The following FBXL17 variants were observed in gnomAD, a reference collection of about 807,000 sequenced individuals.
The protein encoded by FBXL17 is F-box/LRR-repeat protein 17.
In FBXL17, 22 loss-of-function variants were observed where a neutral mutation model predicts 66.2. The ratio of observed to expected loss-of-function variants is 0.33; its 90% CI spans 0.24 to 0.47. The LOEUF (loss-of-function observed/expected upper bound fraction) is 0.47, where lower values mean the gene tolerates loss of function less well. Ranked by LOEUF, FBXL17 falls within the 20% of genes least tolerant of loss-of-function variation. The pLI, the probability that FBXL17 is intolerant of heterozygous loss-of-function variation, is 1.00. For synonymous variants in FBXL17, 474 were observed against 400.5 expected (o/e 1.18, Z -2.19); for missense variants, 878 against 948.2 (o/e 0.93, Z 0.97).
chr5:107,924,074 T>G lies in FBXL17; in HGVS notation c.1823-42895A>C, dbSNP rs1413519662. Among the ~76,000 whole-genome samples, 15 of 150,926 alleles carry G rather than the reference T, an allele frequency of 9.9e-5. No individual in the cohort carries two copies. In the East Asian group the frequency reaches 1.6e-3, roughly 16 times the overall value. On this transcript the variant is annotated intron_variant, in intron 7 of 8. Transcript: ENST00000542267. ...ATGAGCTTAGTGTTTTTTTTTTTTT[T>G]TTTTTTTTTTAAGATATGGGGTCTT...
chr5:108,341,141 T>C (rs969541560), intron 4 of FBXL17, among the ~76,000 whole-genome samples: 1 of 152,122 alleles, frequency 6.6e-6, no homozygotes, highest in Non-Finnish European at 1.5e-5. Context: ...CAGAGATTTA[T>C]ACATATAATA....
At chr5:108,026,044 A>T (rs1415635881) in intron 6 of FBXL17, among the ~76,000 whole-genome samples, 2 of 152,218 alleles carry the variant, frequency 1.3e-5, no homozygotes, top group African/African-American at 4.8e-5. Context: ...GAAAATGCAC[A>T]ATATAAAAGA....
chr5:108,117,644 T>C (rs919609329), intron 6 of FBXL17, among the ~76,000 whole-genome samples: 2 of 151,990 alleles, frequency 1.3e-5, no homozygotes, highest in East Asian at 1.9e-4. Context: ...AAAAGATGAG[T>C]ATTTTTCAAA....
At chr5:107,924,060 GTTTT>G (rs34494908) in intron 7 of FBXL17, among the ~76,000 whole-genome samples, 56 of 107,552 alleles carry the variant, frequency 5.2e-4, no homozygotes, top group Middle Eastern at 4.5e-3. Context: ...TGAGCTTAGT[GTTTT>G]TTTTTTTTTT....
intron 4 of FBXL17, among the ~76,000 whole-genome samples, chr5:108,252,919 A>G (rs911725000): frequency 3.9e-5 from 6 of 152,180 alleles, no homozygotes; most frequent in African/African-American, 1.4e-4. Context: ...AGTTACACCT[A>G]TACTCTTAGA....
intron 6 of FBXL17, among the ~76,000 whole-genome samples, chr5:108,183,461 T>TG (rs1193054089): frequency 6.6e-6 from 1 of 152,244 alleles, no homozygotes; most frequent in African/African-American, 2.4e-5. Flanking sequence ...TGAATAGCTT[T>TG]TTAAAGATTA....
At chr5:108,216,590 T>C (rs1754608264) in intron 5 of FBXL17, among the ~76,000 whole-genome samples, 2 of 152,168 alleles carry the variant, frequency 1.3e-5, no homozygotes, top group African/African-American at 2.4e-5. Flanking sequence ...TGTTTTGATA[T>C]AAGTATACAT....
At chr5:108,028,549 C>T (rs1055136818) in intron 6 of FBXL17, among the ~76,000 whole-genome samples, 1 of 152,120 alleles carries the variant, frequency 6.6e-6, no homozygotes, top group African/African-American at 2.4e-5. Flanking sequence ...CACCAGAAGA[C>T]AGCCACAACT....
chr5:108,307,814 CT>C (rs142574194), intron 4 of FBXL17, among the ~76,000 whole-genome samples: 1 of 151,888 alleles, frequency 6.6e-6, no homozygotes, highest in Non-Finnish European at 1.5e-5. Flanking sequence ...GAAAAAATTG[CT>C]TTTTTTGAGA....
intron 1 of FBXL17, among the ~76,000 whole-genome samples, chr5:108,380,039 T>C (rs1749732192): frequency 6.6e-6 from 1 of 152,190 alleles, no homozygotes; most frequent in Non-Finnish European, 1.5e-5. Flanking sequence ...GTATGTGACC[T>C]TGCACAAGTC....
intron 4 of FBXL17, among the ~76,000 whole-genome samples, chr5:108,302,845 ATTTT>A (rs550452416): frequency 6.6e-6 from 1 of 151,794 alleles, no homozygotes; most frequent in African/African-American, 2.4e-5. Flanking sequence ...GTTCAAAATC[ATTTT>A]TTGTTTATAA....
intron 7 of FBXL17, among the ~76,000 whole-genome samples, chr5:107,928,584 T>G (rs1042513859): frequency 6.6e-6 from 1 of 152,114 alleles, no homozygotes; most frequent in African/African-American, 2.4e-5. Context: ...TGCTCAGATT[T>G]GAGAAAGATA....
At chr5:108,159,336 G>A (rs34428) in intron 6 of FBXL17, among the ~76,000 whole-genome samples, 30,262 of 152,064 alleles carry the variant, frequency 0.2, 3,290 homozygotes, top group South Asian at 0.41. Context: ...TCCGTTGATA[G>A]TGTGATACAA....
At chr5:108,317,535 T>C (rs1759426788) in intron 4 of FBXL17, among the ~76,000 whole-genome samples, 3 of 151,210 alleles carry the variant, frequency 2.0e-5, no homozygotes, top group South Asian at 2.1e-4. Flanking sequence ...AAAAATAGTA[T>C]TATTAATTAT....
At chr5:108,305,025 T>C (rs1758771308) in intron 4 of FBXL17, among the ~76,000 whole-genome samples, 1 of 152,046 alleles carries the variant, frequency 6.6e-6, no homozygotes, top group South Asian at 2.1e-4. Context: ...TGAGCTTCTA[T>C]TTCTCCATAT....
At chr5:108,231,908 CAATCCAG>C (rs2150086444) in intron 4 of FBXL17, among the ~76,000 whole-genome samples, 1 of 152,224 alleles carries the variant, frequency 6.6e-6, no homozygotes, top group South Asian at 2.1e-4. Flanking sequence ...TACAACAGCC[CAATCCAG>C]GTAGGACTAC....
At chr5:108,258,126 T>TTCCAA (rs1561491801) in intron 4 of FBXL17, among the ~76,000 whole-genome samples, 1 of 152,156 alleles carries the variant, frequency 6.6e-6, no homozygotes, top group Non-Finnish European at 1.5e-5. Flanking sequence ...TATCTGGAGA[T>TTCCAA]AGGGTCTTTG....
chr5:108,272,028 C>T (rs775693282), intron 4 of FBXL17, among the ~76,000 whole-genome samples: 24 of 152,164 alleles, frequency 1.6e-4, no homozygotes, highest in Admixed American at 5.2e-4. Flanking sequence ...CAGTGGCTCA[C>T]GCCTGTAATC....
rs891899246 is a variant in FBXL17 at position 108,157,353 on chromosome 5, G to A, written c.1745+28764C>T. ...ATTAATACACATTCCGTGAACAAAT[G>A]TCCTAAAATTCTAAATCACTACTAA... On this transcript the variant is annotated intron_variant, in intron 6 of 8. Coordinates refer to ENST00000542267, the MANE Select transcript of FBXL17 (RefSeq NM_001163315.3). Among the ~76,000 whole-genome samples, 3 of 151,704 alleles carry A rather than the reference G, an allele frequency of 2.0e-5. No homozygotes were observed. The South Asian group carries it at 6.2e-4, about 32-fold the overall frequency.
Sources: allele counts gnomAD v4.1 joint callset (sites outside exome capture counted in the v4.1 genomes callset), GRCh38; gene constraint gnomAD v4.1.1; transcripts MANE v1.5; gene names NCBI Gene and HGNC (gene_info 2026-07-23, HGNC 2026-07-21).